CCNY: variants seen among roughly 807,000 people sequenced by gnomAD.
CCNY encodes cyclin Y.
CCNY carries 19 observed loss-of-function variants against 42.8 expected under a neutral mutation model. The ratio of observed to expected loss-of-function variants is 0.44; its 90% CI spans 0.31 to 0.65. CCNY has a LOEUF of 0.65. CCNY is among the 30% of genes least tolerant of loss of function. The pLI, the probability that CCNY is intolerant of heterozygous loss-of-function variation, is 0.07. For missense variants in CCNY, 370 were observed against 437.3 expected, an observed-to-expected ratio of 0.85 and a Z score of 1.37; for synonymous variants, 165 against 162.7, an observed-to-expected ratio of 1.01 and a Z score of -0.11.
upstream of CCNY, chr10:35,332,369 G>A (rs1383428626): frequency 6.6e-6 from 1 of 152,176 alleles, no homozygotes; most frequent in Non-Finnish European, 1.5e-5. Context: ...GCAAATGACT[G>A]ACTCATATTT....
rs149156380 is a variant in CCNY at position 35,394,975 on chromosome 10, C to T, written c.154+57768C>T. 1,256 of 338,808 alleles carry T rather than the reference C, an allele frequency of 3.7e-3. 7 individuals carry two copies. The highest frequency in any genetic ancestry group is 4.7e-3 in the Non-Finnish European group (1,124 of 239,348). 21.0% of individuals were successfully genotyped at this position (338,808 alleles called of 1,614,324 possible). On this transcript the variant is annotated intron_variant, in intron 1 of 9. Transcript: ENST00000374704. ...ACATCCATTCGCCACATATTCTTCC[C>T]ACCCTCCCCCGCCCCACAATAGGAA...
In CCNY at chr10:35,519,776, C is replaced by CTTTTTTTTTTTTTTTTTT. The variant is rs1177122335; in HGVS notation, c.365+3161_365+3178dup. 7.4e-4 allele frequency among the ~76,000 whole-genome samples: 55 copies of CTTTTTTTTTTTTTTTTTT among 74,658 alleles called. 4 individuals carry two copies. Among genetic ancestry groups the CTTTTTTTTTTTTTTTTTT allele is most frequent in the African/African-American group, 1.4e-3 (25 of 17,382 alleles). 49.0% of individuals were successfully genotyped at this position (74,658 alleles called of 152,430 possible). ...AAGTATCTTCTTTTTCTTTTCTTTT[C>CTTTTTTTTTTTTTTTTTT]TTTTTTTTTTTTTTTTTTTTTTTTT... On this transcript the variant is annotated intron_variant, in intron 4 of 9. Transcript: ENST00000374704.
chr10:35,546,770 A>G (rs778885007), intron 7 of CCNY, among the ~76,000 whole-genome samples: 3 of 152,180 alleles, frequency 2.0e-5, no homozygotes, highest in Admixed American at 1.3e-4. Context: ...TTTTTTCCCA[A>G]ACATTAAGTA....
At chr10:35,495,518 A>G (rs1178997804) in intron 2 of CCNY, among the ~76,000 whole-genome samples, 1 of 152,198 alleles carries the variant, frequency 6.6e-6, no homozygotes, top group African/African-American at 2.4e-5. Flanking sequence ...TCAACATCTT[A>G]GAAATGTTTC....
chr10:35,495,422 T>C (rs1198915517), intron 2 of CCNY, among the ~76,000 whole-genome samples: 1 of 152,238 alleles, frequency 6.6e-6, no homozygotes, highest in Non-Finnish European at 1.5e-5. Context: ...ATTTGTTCTT[T>C]GAATAGTTTT....
intron 3 of CCNY, among the ~76,000 whole-genome samples, chr10:35,507,356 G>T (rs1476475989): frequency 6.6e-6 from 1 of 152,098 alleles, no homozygotes; most frequent in Non-Finnish European, 1.5e-5. Context: ...TAGTAATACA[G>T]AAAACTCTCA....
chr10:35,544,453 C>G (rs1841070339), intron 7 of CCNY, among the ~76,000 whole-genome samples: 1 of 152,174 alleles, frequency 6.6e-6, no homozygotes, highest in Non-Finnish European at 1.5e-5. Flanking sequence ...TAATAGTAGG[C>G]CGTAGCACCT....
intron 7 of CCNY, among the ~76,000 whole-genome samples, chr10:35,534,266 C>T (rs1043148428): frequency 3.9e-5 from 6 of 152,214 alleles, no homozygotes; most frequent in Admixed American, 3.9e-4. Flanking sequence ...AAGTGATCTG[C>T]CCACCTCAGC....
chr10:35,410,216 A>C (rs1389802889), intron 1 of CCNY, among the ~76,000 whole-genome samples: 1 of 152,010 alleles, frequency 6.6e-6, no homozygotes, highest in Non-Finnish European at 1.5e-5. Context: ...GCTAAAGACA[A>C]AACAAAAGAG....
chr10:35,435,218 A>G (rs1363625037), intron 1 of CCNY, among the ~76,000 whole-genome samples: 2 of 152,232 alleles, frequency 1.3e-5, no homozygotes, highest in African/African-American at 4.8e-5. Context: ...CCAGGTCCCT[A>G]TCTCTGCCAG....
In CCNY at chr10:35,381,619, C is replaced by T. The variant is rs181740920; in HGVS notation, c.154+44412C>T. Among the ~76,000 whole-genome samples, 429 of 151,918 alleles carry T rather than the reference C, an allele frequency of 2.8e-3. 2 individuals carry two copies. The highest frequency in any genetic ancestry group is 8.9e-3 in the African/African-American group (370 of 41,444). ...TGCAACATGGAGGTTAAATCTGACA[C>T]TCCTGGTGTCAGATTAGCCCTAAAC... On this transcript the variant is annotated intron_variant, in intron 1 of 9. Transcript: ENST00000374704.
At chr10:35,468,846 A>G (rs1357170552) in intron 1 of CCNY, among the ~76,000 whole-genome samples, 38 of 152,186 alleles carry the variant, frequency 2.5e-4, no homozygotes, top group Admixed American at 2.5e-3. Flanking sequence ...ACTGACAGTT[A>G]CCAGTTGCTG....
At chr10:35,334,749 T>C (rs1835990285), upstream of CCNY, among the ~76,000 whole-genome samples, 1 of 152,214 alleles carries the variant, frequency 6.6e-6, no homozygotes, top group Non-Finnish European at 1.5e-5. Flanking sequence ...CTAATAAATG[T>C]ATAAACAGTA....
chr10:35,406,109 C>G (rs1007768315), intron 1 of CCNY, among the ~76,000 whole-genome samples: 1 of 151,548 alleles, frequency 6.6e-6, no homozygotes, highest in South Asian at 2.1e-4. Flanking sequence ...TATTACTGTA[C>G]ACCTTGAAAG....
At chr10:35,247,058 T>C (rs1046357728) in exon 1 of CCNY, 1 of 153,738 alleles carries the variant, frequency 6.5e-6, no homozygotes, top group Non-Finnish European at 1.4e-5. Context: ...AGGAAGATCA[T>C]ACTGAGGCCA....
At chr10:35,373,150 G>A (rs1288639006) in intron 1 of CCNY, among the ~76,000 whole-genome samples, 2 of 152,334 alleles carry the variant, frequency 1.3e-5, no homozygotes, top group Middle Eastern at 3.4e-3. Flanking sequence ...GCAGTCTTGA[G>A]TTTGAATCCT....
At chr10:35,367,385 G>A (rs1016569001) in intron 1 of CCNY, among the ~76,000 whole-genome samples, 1 of 152,192 alleles carries the variant, frequency 6.6e-6, no homozygotes, top group Non-Finnish European at 1.5e-5. Context: ...CAGTAAAAAT[G>A]TCTACCTTGT....
At position 35,336,910 on chromosome 10, in the gene CCNY, C is replaced by G; in HGVS notation, c.-144C>G. The G allele has an allele frequency of 4.6e-6, 1 of 218,300 alleles. No individual in the cohort carries two copies. 13.5% of individuals were successfully genotyped at this position (218,300 alleles called of 1,614,324 possible). A position where few individuals can be genotyped will look rare whatever the true frequency, so the allele number is the denominator to read the frequency against. On this transcript the variant is annotated 5_prime_UTR_variant, in exon 1 of 10. Coordinates refer to ENST00000374704, the MANE Select transcript of CCNY (RefSeq NM_145012.6). ...CCGCCGCCGCTGCTGACCCGGCGGC[C>G]GGCCGCCGTTCCGCCCCCTCCCGTG... is the stretch of plus-strand genomic sequence containing the variant.
chr10:35,263,181 C>G (rs1703714115), intron 3 of CCNY, among the ~76,000 whole-genome samples: 1 of 151,658 alleles, frequency 6.6e-6, no homozygotes, highest in Admixed American at 6.6e-5. Context: ...ATGGTGAAAC[C>G]CCGTCTCTAT....
Sources: gnomAD v4.1 joint callset for allele counts (sites outside exome capture counted in the v4.1 genomes callset) on GRCh38, gnomAD v4.1.1 for gene constraint, MANE v1.5 for transcripts, NCBI Gene and HGNC (gene_info 2026-07-23, HGNC 2026-07-21) for gene names.